LCOR: variants seen among roughly 807,000 people sequenced by gnomAD.
LCOR encodes the protein ligand dependent nuclear receptor corepressor, also known as ligand-dependent corepressor.
Under a neutral mutation model 64.4 loss-of-function variants are expected in LCOR, and 14 were observed. The ratio of observed to expected loss-of-function variants is 0.22; its 90% confidence interval spans 0.14 to 0.34. LCOR has a LOEUF of 0.34. LCOR is among the 10% of genes least tolerant of loss of function. LCOR has a pLI of 1.00. For synonymous variants in LCOR, 643 were observed against 642.5 expected (o/e 1.00, Z -0.01); for missense variants, 1,686 against 1,765.3 (o/e 0.96, Z 0.80).
intron 2 of LCOR, among the ~76,000 whole-genome samples, chr10:96,837,770 G>C (rs745581695): frequency 2.6e-5 from 4 of 152,156 alleles, no homozygotes; most frequent in Non-Finnish European, 5.9e-5. Context: ...GGCAATTAAA[G>C]GTATATGTTA....
At position 96,990,272 on chromosome 10, in the gene LCOR, T is replaced by C. The variant is rs1256730789; in HGVS notation, c.*5138T>C. On this transcript the variant is annotated 3_prime_UTR_variant, in exon 8 of 8. Coordinates refer to ENST00000421806, the MANE Select transcript of LCOR (RefSeq NM_001346516.2). ...TAGGGTATGTAGTTTAAAAGTACAG[T>C]TTTTTGAAAGTATAGTCATCTTCAT... The C allele has an allele frequency of 6.6e-6, 1 of 152,078 alleles. No individual in the cohort carries two copies. The highest frequency in any genetic ancestry group is 2.4e-5 in the African/African-American group (1 of 41,420). 9.4% of individuals were successfully genotyped at this position (152,078 alleles called of 1,614,324 possible).
chr10:96,993,871 T>A lies in LCOR; in HGVS notation c.*8737T>A, dbSNP rs1297833483. On this transcript the variant is annotated 3_prime_UTR_variant, in exon 8 of 8. Coordinates refer to ENST00000421806, the MANE Select transcript of LCOR (RefSeq NM_001346516.2). ...GATGTGTTGCCCATAAGCAATAAGA[T>A]CCTAGGTAATAACATTTATTCCAGG... 3.3e-5 allele frequency: 5 copies of A among 151,906 alleles called. No homozygotes were observed. Among genetic ancestry groups the A allele is most frequent in the Non-Finnish European group, 7.4e-5 (5 of 68,000 alleles). 9.4% of individuals were successfully genotyped at this position (151,906 alleles called of 1,614,324 possible). A position where few individuals can be genotyped will look rare whatever the true frequency, so the allele number is the denominator to read the frequency against.
chr10:96,926,382 G>A (rs1847167596), intron 4 of LCOR, among the ~76,000 whole-genome samples: 1 of 152,074 alleles, frequency 6.6e-6, no homozygotes. Context: ...GCTTTTTAGG[G>A]GAAAGATAGT....
chr10:96,882,862 G>T (rs369194172), intron 2 of LCOR, among the ~76,000 whole-genome samples: 15 of 152,006 alleles, frequency 9.9e-5, no homozygotes, highest in East Asian at 7.7e-4. Context: ...CTTTCACTTA[G>T]TAATACACTT....
chr10:96,980,365 G>T (rs1848073483), intron 7 of LCOR, among the ~76,000 whole-genome samples: 1 of 152,112 alleles, frequency 6.6e-6, no homozygotes, highest in Non-Finnish European at 1.5e-5. Context: ...AAATGTATTT[G>T]CAGTATTTCT....
At chr10:96,958,180 A>G in intron 7 of LCOR, 1 of 1,283,520 alleles carries the variant, frequency 7.8e-7, no homozygotes, top group Non-Finnish European at 9.9e-7. Flanking sequence ...AGGTCCTTTG[A>G]GAAAATTAAT....
intron 7 of LCOR, among the ~76,000 whole-genome samples, chr10:96,966,316 C>T (rs1010582566): frequency 3.3e-5 from 5 of 149,706 alleles, no homozygotes; most frequent in African/African-American, 4.9e-5. Flanking sequence ...GCAAACTCCG[C>T]CTCCCAGGTT....
intron 2 of LCOR, among the ~76,000 whole-genome samples, chr10:96,896,138 C>T (rs780541906): frequency 9.9e-5 from 15 of 152,122 alleles, no homozygotes; most frequent in Non-Finnish European, 1.8e-4. Context: ...TCTCGGCTCT[C>T]TAAATGCTGT....
intron 2 of LCOR, among the ~76,000 whole-genome samples, chr10:96,896,152 C>T (rs369572053): frequency 7.9e-5 from 12 of 152,182 alleles, no homozygotes; most frequent in African/African-American, 2.4e-4. Context: ...ATGCTGTCTT[C>T]GCTGCTTTGT....
chr10:96,936,221 G>T (rs567324678), intron 4 of LCOR, among the ~76,000 whole-genome samples: 358 of 152,352 alleles, frequency 2.3e-3, no homozygotes, highest in Admixed American at 2.4e-3. Context: ...AGTTTCAGAT[G>T]AATTTTTAAA....
rs142399187 is a variant in LCOR at position 96,912,599 on chromosome 10, TCTTCCTTTCTTC to T, written c.-184+4860_-184+4871del. Reference sequence around the variant, plus strand: ...GCCTCTTTTCTGTAAGATCTTCCTTTCTTCCTTTCTTCCTTCCTTCCTTCCTTCCTTCCTTCC... The same window carrying T: ...GCCTCTTTTCTGTAAGATCTTCCTTTCTTCCTTCCTTCCTTCCTTCCTTCC... On this transcript the variant is annotated intron_variant, in intron 4 of 7. Transcript: ENST00000421806. Among the ~76,000 whole-genome samples the T allele has an allele frequency of 4.4e-3, 483 of 110,798 alleles. 4 individuals are homozygous for T. Among genetic ancestry groups the T allele is most frequent in the African/African-American group, 0.021 (465 of 22,482 alleles). The allele number at this position is 110,798 out of a possible 152,430, so 72.7% of individuals were successfully genotyped here.
At chr10:96,939,615 A>G (rs1430758255) in intron 4 of LCOR, among the ~76,000 whole-genome samples, 1 of 152,246 alleles carries the variant, frequency 6.6e-6, no homozygotes, top group African/African-American at 2.4e-5. Flanking sequence ...GTTTCAGAAT[A>G]TATCAAGAAT....
At position 96,890,485 on chromosome 10, in the gene LCOR, A is replaced by T. The variant is rs57347229; in HGVS notation, c.-329-16780A>T. On this transcript the variant is annotated intron_variant, in intron 2 of 7. Coordinates refer to ENST00000421806, the MANE Select transcript of LCOR (RefSeq NM_001346516.2). ...TTTGAAAGATTCTTTAGAATTATGT[A>T]TATATAAAATCATGTCATCTATAAA... Among the ~76,000 whole-genome samples, 1,515 of 152,290 alleles carry T rather than the reference A, an allele frequency of 9.9e-3. 22 individuals are homozygous for T. The highest frequency in any genetic ancestry group is 0.031 in the African/African-American group (1,298 of 41,552).
chr10:96,912,331 G>T (rs1846852761), intron 4 of LCOR, among the ~76,000 whole-genome samples: 1 of 152,142 alleles, frequency 6.6e-6, no homozygotes, highest in Admixed American at 6.5e-5. Flanking sequence ...TCTTTAACCA[G>T]ATTCTCCAAA....
intron 2 of LCOR, among the ~76,000 whole-genome samples, chr10:96,876,720 G>A (rs1160218939): frequency 2.0e-5 from 3 of 151,850 alleles, no homozygotes; most frequent in African/African-American, 7.3e-5. Flanking sequence ...ACGGAGTTTC[G>A]CTCTTGTTGC....
Position 96,951,764 on chromosome 10 carries a change from T to G in LCOR, c.239-339T>G, listed in dbSNP as rs534619465. ...CTTGTATGCTTTGATCAAGGAAAAT[T>G]TAGAAAATGGAGTCTTAAAAAATCT... On this transcript the variant is annotated intron_variant, in intron 6 of 7. Coordinates refer to ENST00000421806, the MANE Select transcript of LCOR (RefSeq NM_001346516.2). 5.9e-5 allele frequency among the ~76,000 whole-genome samples: 9 copies of G among 152,264 alleles called. No individual in the cohort carries two copies. In the East Asian group the frequency reaches 9.6e-4, roughly 16 times the overall value.
intron 7 of LCOR, among the ~76,000 whole-genome samples, chr10:96,971,565 G>A (rs748474506): frequency 2.0e-5 from 3 of 152,154 alleles, no homozygotes; most frequent in Non-Finnish European, 2.9e-5. Context: ...GAGAGTAGAG[G>A]AGAAACTACC....
chr10:96,954,830 A>T, intron 7 of LCOR: 1 of 590,270 alleles, frequency 1.7e-6, no homozygotes, highest in Non-Finnish European at 2.8e-6. Context: ...TTAGAGAAAA[A>T]TAAATAAATA....
intron 2 of LCOR, among the ~76,000 whole-genome samples, chr10:96,895,163 A>G (rs535081340): frequency 9.9e-5 from 15 of 152,232 alleles, no homozygotes; most frequent in South Asian, 2.1e-4. Context: ...CACCTATCCA[A>G]TTGCCTTCTT....
Sources: gnomAD v4.1 joint callset for allele counts (sites outside exome capture counted in the v4.1 genomes callset) on GRCh38, gnomAD v4.1.1 for gene constraint, MANE v1.5 for transcripts, NCBI Gene and HGNC (gene_info 2026-07-23, HGNC 2026-07-21) for gene names.